The following LRRTM4 variants were observed in gnomAD, a reference collection of about 807,000 sequenced individuals.
The protein encoded by LRRTM4 is leucine-rich repeat transmembrane neuronal protein 4.
A neutral mutation model predicts 47.6 loss-of-function variants in LRRTM4; 25 were observed. The observed-to-expected ratio is 0.53, with a 90% CI of 0.38 to 0.73. LRRTM4 has a LOEUF of 0.73. Ranked by LOEUF, LRRTM4 falls within the 30% of genes least tolerant of loss-of-function variation. LRRTM4 has a pLI of 0.00. For synonymous variants in LRRTM4, 311 were observed against 269.5 expected (o/e 1.15, Z -1.51); for missense variants, 638 against 713.4 (o/e 0.89, Z 1.20).
chr2:77,024,426 T>C (rs2104113866), intron 3 of LRRTM4, among the ~76,000 whole-genome samples: 1 of 152,102 alleles, frequency 6.6e-6, no homozygotes, highest in Non-Finnish European at 1.5e-5. Flanking sequence ...TCATTCTGTA[T>C]TATGGCTGAA....
chr2:76,752,237 T>G (rs569393535), intron 3 of LRRTM4, among the ~76,000 whole-genome samples: 2 of 152,276 alleles, frequency 1.3e-5, no homozygotes, highest in South Asian at 2.1e-4. Context: ...GTGAACATTG[T>G]TGAATTTGCA....
intron 3 of LRRTM4, among the ~76,000 whole-genome samples, chr2:77,514,491 C>T (rs1177237923): frequency 6.6e-6 from 1 of 151,870 alleles, no homozygotes; most frequent in Non-Finnish European, 1.5e-5. Context: ...GAACTGAAAA[C>T]CAGTATATTT....
At chr2:77,329,142 A>G (rs1462376445) in intron 3 of LRRTM4, among the ~76,000 whole-genome samples, 1 of 152,210 alleles carries the variant, frequency 6.6e-6, no homozygotes, top group Non-Finnish European at 1.5e-5. Context: ...TGCTCATCAC[A>G]GAGGAGTCTG....
chr2:77,214,912 AC>A (rs1674393854), intron 3 of LRRTM4, among the ~76,000 whole-genome samples: 1 of 152,118 alleles, frequency 6.6e-6, no homozygotes, highest in Non-Finnish European at 1.5e-5. Context: ...ATCATAATAA[AC>A]TTTTTCTTAA....
intron 3 of LRRTM4, among the ~76,000 whole-genome samples, chr2:77,043,949 C>A (rs1679125981): frequency 6.6e-6 from 1 of 151,552 alleles, no homozygotes; most frequent in South Asian, 2.1e-4. Flanking sequence ...AGCATACATC[C>A]CAAGTAATGA....
intron 3 of LRRTM4, among the ~76,000 whole-genome samples, chr2:76,873,707 C>A (rs1352904276): frequency 6.6e-6 from 1 of 151,194 alleles, no homozygotes; most frequent in African/African-American, 2.4e-5. Flanking sequence ...TAACATTTTA[C>A]CAATATGACC....
intron 3 of LRRTM4, among the ~76,000 whole-genome samples, chr2:76,860,183 G>A (rs1672271748): frequency 6.6e-6 from 1 of 152,134 alleles, no homozygotes; most frequent in African/African-American, 2.4e-5. Flanking sequence ...ACTGTTCTCA[G>A]TCTTCAAATA....
At chr2:77,462,586 C>T (rs937198945) in intron 3 of LRRTM4, among the ~76,000 whole-genome samples, 1 of 149,624 alleles carries the variant, frequency 6.7e-6, no homozygotes, top group African/African-American at 2.5e-5. Context: ...TGGAAATTCA[C>T]CACTGGCTCA....
intron 3 of LRRTM4, among the ~76,000 whole-genome samples, chr2:77,320,343 C>T (rs933198368): frequency 1.3e-5 from 2 of 152,160 alleles, no homozygotes; most frequent in African/African-American, 4.8e-5. Flanking sequence ...CTCACCCACA[C>T]CCTTAATTTC....
At chr2:76,874,488 G>C (rs1457160501) in intron 3 of LRRTM4, among the ~76,000 whole-genome samples, 1 of 151,946 alleles carries the variant, frequency 6.6e-6, no homozygotes, top group Non-Finnish European at 1.5e-5. Context: ...TGAATGAGTG[G>C]TCTGATTTTA....
intron 3 of LRRTM4, among the ~76,000 whole-genome samples, chr2:77,406,623 A>G (rs1674198923): frequency 6.6e-6 from 1 of 152,062 alleles, no homozygotes; most frequent in African/African-American, 2.4e-5. Flanking sequence ...TTTTAGTAAT[A>G]TTAAAGTTAG....
intron 3 of LRRTM4, among the ~76,000 whole-genome samples, chr2:77,264,227 C>T (rs6720255): frequency 0.12 from 18,702 of 152,016 alleles, 3,862 homozygotes; most frequent in African/African-American, 0.42. Flanking sequence ...TGAGAGCTCT[C>T]CTCCTGGCTT....
At chr2:76,828,970 C>A (rs1421472456) in intron 3 of LRRTM4, among the ~76,000 whole-genome samples, 1 of 151,872 alleles carries the variant, frequency 6.6e-6, no homozygotes, top group East Asian at 1.9e-4. Context: ...ATATTCTTCC[C>A]TAAATCATCT....
chr2:76,837,631 G>A (rs1243355905), intron 3 of LRRTM4, among the ~76,000 whole-genome samples: 1 of 152,070 alleles, frequency 6.6e-6, no homozygotes, highest in East Asian at 1.9e-4. Flanking sequence ...AAAGACACAT[G>A]CACACGCATG....
intron 3 of LRRTM4, among the ~76,000 whole-genome samples, chr2:77,316,418 A>C (rs1315431835): frequency 3.3e-5 from 5 of 152,176 alleles, no homozygotes; most frequent in Non-Finnish European, 5.9e-5. Context: ...TTGAAACAAC[A>C]GTACAATATT....
At chr2:77,260,338 C>T in intron 3 of LRRTM4, among the ~76,000 whole-genome samples, 1 of 150,562 alleles carries the variant, frequency 6.6e-6, no homozygotes, top group South Asian at 2.1e-4. Context: ...AATACTTCAC[C>T]TATCATTGAA....
intron 3 of LRRTM4, among the ~76,000 whole-genome samples, chr2:77,135,891 T>C (rs1671924168): frequency 6.6e-6 from 1 of 152,158 alleles, no homozygotes; most frequent in Non-Finnish European, 1.5e-5. Flanking sequence ...ACATTTTTTT[T>C]ACAGTCTCAA....
intron 3 of LRRTM4, among the ~76,000 whole-genome samples, chr2:77,129,233 T>C (rs1228939173): frequency 6.6e-6 from 1 of 152,170 alleles, no homozygotes; most frequent in Non-Finnish European, 1.5e-5. Context: ...GTTTTTTTCT[T>C]TGGTGTAAGG....
chr2:76,974,354 T>TA (rs1331220058), intron 3 of LRRTM4, among the ~76,000 whole-genome samples: 14 of 149,964 alleles, frequency 9.3e-5, no homozygotes, highest in Non-Finnish European at 1.9e-4. Flanking sequence ...CTCCTGAAAT[T>TA]AAAAAATAAA....
Sources: gnomAD v4.1 joint callset for allele counts (sites outside exome capture counted in the v4.1 genomes callset) on GRCh38, gnomAD v4.1.1 for gene constraint, MANE v1.5 for transcripts, NCBI Gene and HGNC (gene_info 2026-07-23, HGNC 2026-07-21) for gene names.